The following SMCR8 variants were observed in gnomAD, a reference collection of about 807,000 sequenced individuals.
SMCR8 encodes the protein guanine nucleotide exchange protein SMCR8.
A neutral mutation model predicts 56.6 loss-of-function variants in SMCR8; 30 were observed. The ratio of observed to expected loss-of-function variants is 0.53; its 90% CI spans 0.40 to 0.72. SMCR8 has a LOEUF of 0.72. Ranked by LOEUF, SMCR8 falls within the 30% of genes least tolerant of loss-of-function variation. The probability of loss-of-function intolerance (pLI) is 0.00; values close to 1 mark genes in which losing one functional copy is unlikely to be tolerated. For missense variants in SMCR8, 1,198 were observed against 1,157.0 expected, an observed-to-expected ratio of 1.04 and a Z score of -0.51; for synonymous variants, 538 against 456.0, an observed-to-expected ratio of 1.18 and a Z score of -2.29.
Position 18,315,943 on chromosome 17 carries a change from A to G in SMCR8, c.154A>G (p.Lys52Glu). The G allele has an allele frequency of 1.2e-6, 2 of 1,614,104 alleles. No homozygotes were observed. Among genetic ancestry groups the G allele is most frequent in the Non-Finnish European group, 1.7e-6 (2 of 1,180,018 alleles). ...CCCCTGGTCAAAACTGTCCGGGGCC[A>G]AGTTTTCGAGGGACTTCATTCTTAT... ...ANPWSKLSGA[K>E]FSRDFILISE... is the part of the protein sequence containing the mutation. Residue 52 changes from lysine to glutamate, a missense_variant, in exon 1 of 2, where the codon AAG becomes GAG. By Grantham distance (56) the Lys-to-Glu change is moderately conservative (BLOSUM62 1). Coordinates refer to ENST00000406438, the MANE Select transcript of SMCR8 (RefSeq NM_144775.3).
In SMCR8 at chr17:18,325,629, G is replaced by C. The variant is rs1275869321; in HGVS notation, c.*2559G>C. 6.6e-6 allele frequency: 1 copy of C among 152,158 alleles called. No individual in the cohort carries two copies. The highest frequency in any genetic ancestry group is 1.5e-5 in the Non-Finnish European group (1 of 68,034). 9.4% of individuals were successfully genotyped at this position (152,158 alleles called of 1,614,324 possible). A position where few individuals can be genotyped will look rare whatever the true frequency, so the allele number is the denominator to read the frequency against. On this transcript the variant is annotated 3_prime_UTR_variant, in exon 2 of 2. Coordinates refer to ENST00000406438, the MANE Select transcript of SMCR8 (RefSeq NM_144775.3). Reference sequence around the variant, plus strand: ...TGGTACCAGGACTGAGTCATGATTTGGGCAGAGGCAGTTAACACTGGGAAG... The same window carrying C: ...TGGTACCAGGACTGAGTCATGATTTCGGCAGAGGCAGTTAACACTGGGAAG...
rs779635759 is a variant in SMCR8 at position 18,323,042 on chromosome 17, A to G, written c.2786A>G (p.Tyr929Cys). ...AGCCACCCCATGCTCAGGTTTGACT[A>G]TGTCCCCAGCTTTTTGTATAAAATC... is the stretch of plus-strand genomic sequence containing the variant. Reference protein sequence around the residue: ...GTSHPMLRFDYVPSFLYKI With the variant: ...GTSHPMLRFDCVPSFLYKI The change falls in exon 2 of 2, where the codon TAT becomes TGT. Residue 929 changes from tyrosine to cysteine, a missense_variant. By Grantham distance (194) the Tyr-to-Cys change is radical (BLOSUM62 -2). Transcript: ENST00000406438. 2.0e-5 allele frequency: 33 copies of G among 1,613,674 alleles called. No homozygotes were observed. The highest frequency in any genetic ancestry group is 1.8e-4 in the East Asian group (8 of 44,880).
chr17:18,316,310 C>T lies in SMCR8; in HGVS notation c.521C>T (p.Ala174Val). The T allele has an allele frequency of 6.2e-7, 1 of 1,614,028 alleles. No individual in the cohort carries two copies. Among genetic ancestry groups the T allele is most frequent in the South Asian group, 1.1e-5 (1 of 91,074 alleles). ...ATGCAGCAGTTCCAGGAGCTTTCAG[C>T]CGAATTTTCCAGAGCTTCTGAGTGC... is the stretch of plus-strand genomic sequence containing the variant. The part of the protein sequence containing the change: ...KIMQQFQELS[A>V]EFSRASECLK... Residue 174 changes from alanine to valine, a missense_variant, in exon 1 of 2, where the codon GCC becomes GTC. By Grantham distance (64) the Ala-to-Val change is moderately conservative (BLOSUM62 0). Transcript: ENST00000406438.
At chr17:18,320,058 A>G (rs1384308558) in intron 1 of SMCR8, among the ~76,000 whole-genome samples, 2 of 152,216 alleles carry the variant, frequency 1.3e-5, no homozygotes, top group Non-Finnish European at 2.9e-5. Flanking sequence ...CAGCAGTCAC[A>G]AGCCCAGACC....
In SMCR8 at chr17:18,315,768, T is replaced by A. The variant is rs752352123; in HGVS notation, c.-22T>A. 3.9e-6 allele frequency: 6 copies of A among 1,556,026 alleles called. No homozygotes were observed. In the African/African-American group the frequency reaches 8.3e-5, roughly 21 times the overall value. On this transcript the variant is annotated 5_prime_UTR_variant, in exon 1 of 2. Coordinates refer to ENST00000406438, the MANE Select transcript of SMCR8 (RefSeq NM_144775.3). ...CATTCTTTCCCACTTCCTCTCAATG[T>A]TTTCTTCATATATCTGGAAATATGA...
intron 1 of SMCR8, among the ~76,000 whole-genome samples, chr17:18,320,980 C>T (rs1204360089): frequency 4.6e-5 from 7 of 152,194 alleles, no homozygotes; most frequent in African/African-American, 1.7e-4. Flanking sequence ...TACTTGTGCA[C>T]ATTTCTTTTT....
rs1245517913 is a variant in SMCR8, at chr17:18,316,799, A to G, written c.1010A>G (p.Gln337Arg). The change falls in exon 1 of 2, where the codon CAG (glutamine) becomes CGG (arginine). Residue 337 changes from glutamine to arginine, a missense_variant. By Grantham distance (43) the Gln-to-Arg change is conservative. Coordinates refer to ENST00000406438, the MANE Select transcript of SMCR8 (RefSeq NM_144775.3). Reference sequence around the variant, plus strand: ...GAATATTTCACCCAGACCCTGGCTCAGCTCAGCCACATTGAACACATGTTC... The same window carrying G: ...GAATATTTCACCCAGACCCTGGCTCGGCTCAGCCACATTGAACACATGTTC... ...DTEYFTQTLA[Q>R]LSHIEHMFRG... is the part of the protein sequence containing the mutation. 1.2e-5 allele frequency: 19 copies of G among 1,614,138 alleles called. No individual in the cohort carries two copies. In the Admixed American group the frequency reaches 2.2e-4, roughly 18 times the overall value.
rs1380195481 is a variant in SMCR8, at chr17:18,316,122, C to G, written c.333C>G (p.Ala111=). Residue 111 remains alanine, a synonymous_variant, in exon 1 of 2, where the codon GCC becomes GCG. Transcript: ENST00000406438. ...ASFVGHPPGS[A]YPKLNFVEDS... is the part of the protein sequence containing the mutation. Reference sequence around the variant, plus strand: ...TCGTGGGCCATCCTCCTGGATCTGCCTACCCCAAGCTGAACTTCGTGGAGG... The same window carrying G: ...TCGTGGGCCATCCTCCTGGATCTGCGTACCCCAAGCTGAACTTCGTGGAGG... The G allele has an allele frequency of 6.2e-7, 1 of 1,614,148 alleles. No homozygotes were observed. The highest frequency in any genetic ancestry group is 1.1e-5 in the South Asian group (1 of 91,086).
rs1244446948 is a variant in SMCR8 at position 18,316,005 on chromosome 17, A to T, written c.216A>T (p.Leu72Phe). 6.2e-7 allele frequency: 1 copy of T among 1,613,962 alleles called. No homozygotes were observed. Residue 72 changes from leucine (L) to phenylalanine (F), a missense_variant, in exon 1 of 2, where the codon TTA (leucine) becomes TTT (phenylalanine). By Grantham distance (22) the Leu-to-Phe change is conservative. Transcript: ENST00000406438. ...CTGAGCAGGTGGGACCCCAACCCTT[A>T]CTGACCATCCCCAATGACACCAAAG... ...EFSEQVGPQP[L>F]LTIPNDTKVF...
chr17:18,316,427 C>T lies in SMCR8; in HGVS notation c.638C>T (p.Thr213Met). The change falls in exon 1 of 2, where the codon ACG becomes ATG. Residue 213 changes from threonine (T) to methionine (M), a missense_variant. Transcript: ENST00000406438. ...ACCAGGACAGTGCTACACACAGAAA[C>T]GGAGATCCAGAAGAAAGCCAACGAC... ...DYTRTVLHTE[T>M]EIQKKANDKG... 3 of 1,614,064 alleles carry T rather than the reference C, an allele frequency of 1.9e-6. No homozygotes were observed. Among genetic ancestry groups the T allele is most frequent in the South Asian group, 1.1e-5 (1 of 91,086 alleles).
Position 18,317,749 on chromosome 17 carries a change from C to T in SMCR8, c.1960C>T (p.Pro654Ser). 6.2e-7 allele frequency: 1 copy of T among 1,614,132 alleles called. No homozygotes were observed. Among genetic ancestry groups the T allele is most frequent in the Non-Finnish European group, 8.5e-7 (1 of 1,180,038 alleles). Residue 654 changes from proline to serine, a missense_variant, in exon 1 of 2, where the codon CCG becomes TCG. Physicochemically the swap from Pro to Ser is moderately conservative, Grantham distance 74. Transcript: ENST00000406438. ...AGGGTTTCCCGCTTATGAGCTGGAC[C>T]CGAGCCACCTGCTGGCTAGCCGGGA... Reference protein sequence around the residue: ...CEGFPAYELDPSHLLASRDIS... With the variant: ...CEGFPAYELDSSHLLASRDIS...
rs1982607788 is a variant in SMCR8 at position 18,324,931 on chromosome 17, G to A, written c.*1861G>A. ...CAATACCTTGGCAGCCTTTAAATGT[G>A]AAACGTCTGTTACTTGCGCTGGAGG... On this transcript the variant is annotated 3_prime_UTR_variant, in exon 2 of 2. Coordinates refer to ENST00000406438, the MANE Select transcript of SMCR8 (RefSeq NM_144775.3). 6.6e-6 allele frequency: 1 copy of A among 152,266 alleles called. No homozygotes were observed. The highest frequency in any genetic ancestry group is 1.5e-5 in the Non-Finnish European group (1 of 68,054). The allele number at this position is 152,266 out of a possible 1,614,324, so 9.4% of individuals were successfully genotyped here.
Position 18,324,437 on chromosome 17 carries a change from A to C in SMCR8, c.*1367A>C, listed in dbSNP as rs1460831343. 6.6e-6 allele frequency: 1 copy of C among 152,264 alleles called. No homozygotes were observed. The highest frequency in any genetic ancestry group is 1.5e-5 in the Non-Finnish European group (1 of 68,074). The allele number at this position is 152,264 out of a possible 1,614,324, so 9.4% of individuals were successfully genotyped here. ...AGTTTCTTGCAGCCTTGAAAATTTT[A>C]TTCCCTAAGTGGGGACAGCTCTGGT... On this transcript the variant is annotated 3_prime_UTR_variant, in exon 2 of 2. Coordinates refer to ENST00000406438, the MANE Select transcript of SMCR8 (RefSeq NM_144775.3).
chr17:18,324,271 C>G lies in SMCR8; in HGVS notation c.*1201C>G, dbSNP rs1414476414. On this transcript the variant is annotated 3_prime_UTR_variant, in exon 2 of 2. Transcript: ENST00000406438. Reference sequence around the variant, plus strand: ...CAGTCACCACAGCTCACGGCCGTCCCCAGTTGAGTCCCCCTTCTGAGGACA... The same window carrying G: ...CAGTCACCACAGCTCACGGCCGTCCGCAGTTGAGTCCCCCTTCTGAGGACA... 1.3e-5 allele frequency: 2 copies of G among 152,244 alleles called. No homozygotes were observed. The highest frequency in any genetic ancestry group is 2.9e-5 in the Non-Finnish European group (2 of 68,074). The allele number at this position is 152,244 out of a possible 1,614,324, so 9.4% of individuals were successfully genotyped here. A position where few individuals can be genotyped will look rare whatever the true frequency, so the allele number is the denominator to read the frequency against.
intron 1 of SMCR8, among the ~76,000 whole-genome samples, chr17:18,319,742 A>G (rs1348144547): frequency 6.6e-6 from 1 of 151,728 alleles, no homozygotes; most frequent in Non-Finnish European, 1.5e-5. Context: ...GTTGTTGGAG[A>G]CAGAGTCTTG....
chr17:18,316,902 C>T lies in SMCR8; in HGVS notation c.1113C>T (p.Leu371=), dbSNP rs368357417. ...AACAACAGCATATAACAAACTTTCT[C>T]TTTGAAGACTTTGTGGAGGTCGATG... ...LLKQQHITNF[L]FEDFVEVDDR... Residue 371 remains leucine, a synonymous_variant, in exon 1 of 2, where the codon CTC becomes CTT. Transcript: ENST00000406438. 3.7e-6 allele frequency: 6 copies of T among 1,614,086 alleles called. No homozygotes were observed. In the Admixed American group the frequency reaches 5.0e-5, roughly 13 times the overall value.
rs1467736815 is a variant in SMCR8 at position 18,316,896 on chromosome 17, C to G, written c.1107C>G (p.Asn369Lys). The G allele has an allele frequency of 1.9e-6, 3 of 1,614,214 alleles. No homozygotes were observed. Among genetic ancestry groups the G allele is most frequent in the Admixed American group, 1.7e-5 (1 of 60,020 alleles). The change falls in exon 1 of 2, where the codon AAC becomes AAG. Residue 369 changes from asparagine to lysine, a missense_variant. Transcript: ENST00000406438. The stretch of plus-strand genomic sequence containing the variant: ...TTCTAAAACAACAGCATATAACAAA[C>G]TTTCTCTTTGAAGACTTTGTGGAGG... ...RALLKQQHITNFLFEDFVEVD... is the reference protein window; with the variant it reads ...RALLKQQHITKFLFEDFVEVD...
intron 1 of SMCR8, among the ~76,000 whole-genome samples, chr17:18,320,691 G>A (rs1056857668): frequency 6.6e-6 from 1 of 152,228 alleles, no homozygotes; most frequent in African/African-American, 2.4e-5. Context: ...TTAGCTGTCA[G>A]CCACCTGCAG....
At position 18,317,552 on chromosome 17, in the gene SMCR8, G is replaced by C; in HGVS notation, c.1763G>C (p.Gly588Ala). Residue 588 changes from glycine to alanine, a missense_variant, in exon 1 of 2, where the codon GGG becomes GCG. By Grantham distance (60) the Gly-to-Ala change is moderately conservative. Transcript: ENST00000406438. Reference protein sequence around the residue: ...PSQIDSSCCIGKESDGQLVLP... With the variant: ...PSQIDSSCCIAKESDGQLVLP... ...CAAATAGACTCCTCCTGCTGTATTGGGAAGGAGAGCGATGGTCAGTTGGTG... is the reference window on the plus strand; with the variant it reads ...CAAATAGACTCCTCCTGCTGTATTGCGAAGGAGAGCGATGGTCAGTTGGTG... The C allele has an allele frequency of 1.2e-6, 2 of 1,614,104 alleles. No individual in the cohort carries two copies. Among genetic ancestry groups the C allele is most frequent in the Non-Finnish European group, 1.7e-6 (2 of 1,180,022 alleles).
Sources: gnomAD v4.1 joint callset for allele counts (sites outside exome capture counted in the v4.1 genomes callset) on GRCh38, gnomAD v4.1.1 for gene constraint, MANE v1.5 for transcripts, NCBI Gene and HGNC (gene_info 2026-07-23, HGNC 2026-07-21) for gene names.